The following RBM39 variants were observed in gnomAD, a reference collection of about 807,000 sequenced individuals.
RBM39 encodes the protein RNA binding motif protein 39.
In RBM39, 12 loss-of-function variants were observed where a neutral mutation model predicts 79.6. The ratio of observed to expected loss-of-function variants is 0.15; its 90% CI spans 0.10 to 0.24. The LOEUF (loss-of-function observed/expected upper bound fraction) is 0.24, where lower values mean the gene tolerates loss of function less well. Ranked by LOEUF, RBM39 falls within the 10% of genes least tolerant of loss-of-function variation. The pLI, the probability that RBM39 is intolerant of heterozygous loss-of-function variation, is 1.00. For synonymous variants in RBM39, 185 were observed against 208.4 expected, an observed-to-expected ratio of 0.89 and a Z score of 0.97; for missense variants, 243 against 653.4, an observed-to-expected ratio of 0.37 and a Z score of 6.85.
chr20:35,708,024 G>A, intron 13 of RBM39: 1 of 365,730 alleles, frequency 2.7e-6, no homozygotes, highest in South Asian at 2.0e-5. Flanking sequence ...AGAAATTATG[G>A]TAATTAAAAT....
At chr20:35,714,057 T>C in intron 11 of RBM39, 128 bp downstream of exon 11, 1 of 840,008 alleles carries the variant, frequency 1.2e-6, no homozygotes, top group Non-Finnish European at 1.8e-6. Context: ...TAATATGCAG[T>C]GTGACCAAGG....
At position 35,704,091 on chromosome 20, in the gene RBM39, A is replaced by C. The variant is rs1204954724; in HGVS notation, c.*390T>G. ...GTATTTCAGAAACTGCTCAACCATC[A>C]GCCAAATATCAACATTAGTGAAATG... On this transcript the variant is annotated 3_prime_UTR_variant, in exon 17 of 17. Transcript: ENST00000253363. The C allele has an allele frequency of 6.2e-6, 1 of 160,382 alleles. No homozygotes were observed. Among genetic ancestry groups the C allele is most frequent in the Non-Finnish European group, 1.4e-5 (1 of 72,278 alleles). The allele number at this position is 160,382 out of a possible 1,614,324, so 9.9% of individuals were successfully genotyped here. A position where few individuals can be genotyped will look rare whatever the true frequency, so the allele number is the denominator to read the frequency against.
At chr20:35,708,816 G>A (rs887895605) in intron 13 of RBM39, 1 of 174,018 alleles carries the variant, frequency 5.7e-6, no homozygotes, top group Non-Finnish European at 1.2e-5. Context: ...AAAAAGGTGA[G>A]TTTTATAGCA....
chr20:35,709,638 G>C (rs1310677453), intron 12 of RBM39, among the ~76,000 whole-genome samples: 2 of 152,096 alleles, frequency 1.3e-5, no homozygotes, highest in Non-Finnish European at 2.9e-5. Context: ...CTTGGGAAAT[G>C]CAAGTATTTA....
chr20:35,717,161 G>A (rs1045851808), intron 9 of RBM39, among the ~76,000 whole-genome samples: 1 of 151,810 alleles, frequency 6.6e-6, no homozygotes, highest in Non-Finnish European at 1.5e-5. Context: ...ATGCCTGTAC[G>A]CCCAGCTACT....
chr20:35,728,575 A>C (rs938728209), intron 6 of RBM39, among the ~76,000 whole-genome samples: 1 of 152,094 alleles, frequency 6.6e-6, no homozygotes, highest in African/African-American at 2.4e-5. Context: ...TCAGGAGTTC[A>C]AGACCAGCCT....
At chr20:35,720,020 C>T (rs773943101) in intron 9 of RBM39, 5 of 256,740 alleles carry the variant, frequency 1.9e-5, no homozygotes, top group South Asian at 3.1e-5. Flanking sequence ...TGACCTCAAG[C>T]GATCCACTTG....
At chr20:35,705,418 T>C (rs1174386938) in intron 14 of RBM39, 88 bp from the exon 15 acceptor site, 9 of 753,142 alleles carry the variant, frequency 1.2e-5, no homozygotes, top group Non-Finnish European at 1.9e-5. Context: ...AAATATTCTA[T>C]GAATTAAAAA....
chr20:35,737,707 G>T (rs2040087457), intron 3 of RBM39, among the ~76,000 whole-genome samples: 1 of 151,502 alleles, frequency 6.6e-6, no homozygotes, highest in African/African-American at 2.4e-5. Flanking sequence ...AAATTAGCCA[G>T]GCATGGTGGC....
intron 3 of RBM39, among the ~76,000 whole-genome samples, chr20:35,737,122 T>G (rs2040011950): frequency 6.6e-6 from 1 of 151,792 alleles, no homozygotes; most frequent in African/African-American, 2.4e-5. Flanking sequence ...CTGGGCATGA[T>G]GGCTCACGCC....
intron 6 of RBM39, 59 bp from the exon 7 acceptor site, chr20:35,725,214 C>G (rs929743554): frequency 2.5e-6 from 3 of 1,216,522 alleles, no homozygotes; most frequent in Non-Finnish European, 3.5e-6. Context: ...TAATTTTTAT[C>G]TTTTTTATTT....
Position 35,725,110 on chromosome 20 carries a change from T to C in RBM39, c.462A>G (p.Thr154=). ...TTGCCGCCAGCTGCATACAGAAGAC[T>C]GTCCTTGCATCTCTTTCCTCAGGAG... ...NLTPEERDAR[T]VFCMQLAARI... is the part of the protein sequence containing the mutation. Residue 154 remains threonine (T), a synonymous_variant, in exon 7 of 17, where the codon ACA becomes ACG. Transcript: ENST00000253363. 1 of 1,611,438 alleles carries C rather than the reference T, an allele frequency of 6.2e-7. No homozygotes were observed. The highest frequency in any genetic ancestry group is 8.5e-7 in the Non-Finnish European group (1 of 1,179,538).
At chr20:35,707,322 T>C in intron 13 of RBM39, 121 bp from the exon 14 acceptor site, 1 of 519,958 alleles carries the variant, frequency 1.9e-6, no homozygotes, top group South Asian at 3.3e-5. Context: ...ACTGGAGTTA[T>C]TTTACCTTAT....
chr20:35,711,908 G>A (rs2036467225), intron 12 of RBM39, among the ~76,000 whole-genome samples: 1 of 152,050 alleles, frequency 6.6e-6, no homozygotes, highest in African/African-American at 2.4e-5. Context: ...ATTTTGGGAG[G>A]TCAAGGCAGG....
chr20:35,709,038 C>T, intron 13 of RBM39, 186 bp downstream of exon 13: 1 of 451,968 alleles, frequency 2.2e-6, no homozygotes, highest in Non-Finnish European at 3.9e-6. Context: ...TTTTTAAGTC[C>T]ATTAATTTGG....
chr20:35,731,853 A>T (rs2425112), intron 4 of RBM39, 88 bp downstream of exon 4: 250,013 of 1,211,816 alleles, frequency 0.21, 29,155 homozygotes, highest in African/African-American at 0.43. Flanking sequence ...AAAAATAAAA[A>T]TTCACAATTC....
intron 2 of RBM39, chr20:35,739,562 GAT>G: frequency 2.1e-6 from 1 of 470,702 alleles, no homozygotes; most frequent in Non-Finnish European, 4.4e-6. Flanking sequence ...AGCAAACAGG[GAT>G]TCACACTGCT....
At chr20:35,709,144 C>T (rs112984367) in intron 13 of RBM39, 80 bp downstream of exon 13, 1 of 1,301,022 alleles carries the variant, frequency 7.7e-7, no homozygotes, top group Non-Finnish European at 1.1e-6. Context: ...AAAAATATGA[C>T]AATAAATATA....
Position 35,734,441 on chromosome 20 carries a change from A to C in RBM39, c.102-2306T>G, listed in dbSNP as rs1279798380. ...ACACTATCTCTGTGACACTATTCCA[A>C]CTATAGAACTCTGAGATTTCTAAAA... On this transcript the variant is annotated intron_variant, in intron 3 of 16. Coordinates refer to ENST00000253363, the MANE Select transcript of RBM39 (RefSeq NM_184234.3). 3 of 253,766 alleles carry C rather than the reference A, an allele frequency of 1.2e-5. No homozygotes were observed. In the South Asian group the frequency reaches 1.3e-4, roughly 11 times the overall value. 15.7% of individuals were successfully genotyped at this position (253,766 alleles called of 1,614,324 possible).
Sources: gnomAD v4.1 joint callset for allele counts (sites outside exome capture counted in the v4.1 genomes callset) on GRCh38, gnomAD v4.1.1 for gene constraint, MANE v1.5 for transcripts, NCBI Gene and HGNC (gene_info 2026-07-23, HGNC 2026-07-21) for gene names.